SLC13A3: variants seen among roughly 807,000 people sequenced by gnomAD.
The protein encoded by SLC13A3 is solute carrier family 13 member 3, also known as Na(+)/dicarboxylate cotransporter 3.
SLC13A3 carries 40 observed loss-of-function variants against 59.0 expected under a neutral mutation model. The ratio of observed to expected loss-of-function variants is 0.68; its 90% CI spans 0.53 to 0.88. The LOEUF is 0.88. Ranked by LOEUF, SLC13A3 falls within the 40% of genes least tolerant of loss-of-function variation. The probability of loss-of-function intolerance (pLI) is 0.00; values close to 1 mark genes in which losing one functional copy is unlikely to be tolerated. For missense variants in SLC13A3, 699 were observed against 783.2 expected (o/e 0.89, Z 1.28); for synonymous variants, 317 against 330.3 (o/e 0.96, Z 0.44).
rs79083915 is a variant in SLC13A3, at chr20:46,638,224, T to C, written c.111+13087A>G. ...TGTAAAACGCCCAACTCAGGCACCA[T>C]GAGAAGTTTTGCTGACTGGTTCCAG... On this transcript the variant is annotated intron_variant, in intron 1 of 12. Transcript: ENST00000279027. Among the ~76,000 whole-genome samples the C allele has an allele frequency of 5.0e-3, 759 of 151,924 alleles. 11 individuals carry two copies. Among genetic ancestry groups the C allele is most frequent in the African/African-American group, 0.018 (727 of 41,484 alleles).
intron 1 of SLC13A3, among the ~76,000 whole-genome samples, chr20:46,661,509 T>C (rs2063030035): frequency 6.6e-6 from 1 of 152,240 alleles, no homozygotes; most frequent in Non-Finnish European, 1.5e-5. Flanking sequence ...CTGCCTTTGC[T>C]TCCCAGAAGA....
chr20:46,612,147 T>TTTTTTTTA (rs1555879622), intron 2 of SLC13A3, among the ~76,000 whole-genome samples: 1 of 145,558 alleles, frequency 6.9e-6, no homozygotes, highest in Non-Finnish European at 1.5e-5. Context: ...TTTTTTTTTT[T>TTTTTTTTA]GAGACAGGGT....
intron 1 of SLC13A3, among the ~76,000 whole-genome samples, chr20:46,664,417 T>G (rs899819843): frequency 2.0e-5 from 3 of 152,166 alleles, no homozygotes; most frequent in Non-Finnish European, 4.4e-5. Context: ...TTAATAATAT[T>G]TGAATACCTA....
intron 1 of SLC13A3, among the ~76,000 whole-genome samples, chr20:46,683,024 C>G (rs2063160741): frequency 1.3e-5 from 2 of 152,130 alleles, no homozygotes; most frequent in Admixed American, 6.5e-5. Flanking sequence ...ATGGACGATT[C>G]TCCTCCTGGG....
chr20:46,666,883 T>C (rs986772837), intron 1 of SLC13A3, among the ~76,000 whole-genome samples: 4 of 152,140 alleles, frequency 2.6e-5, no homozygotes. Context: ...AAGTTTACAA[T>C]GTAAAGCAAC....
intron 1 of SLC13A3, among the ~76,000 whole-genome samples, chr20:46,665,265 CAA>C (rs77642674): frequency 5.5e-5 from 7 of 126,380 alleles, no homozygotes; most frequent in African/African-American, 5.9e-5. Flanking sequence ...GACACTGTCT[CAA>C]AAAAAAAAAA....
At chr20:46,634,789 A>G (rs979184883) in intron 1 of SLC13A3, among the ~76,000 whole-genome samples, 1 of 152,138 alleles carries the variant, frequency 6.6e-6, no homozygotes, top group Admixed American at 6.5e-5. Context: ...AAGCTGATTC[A>G]TGGTGTGACC....
At chr20:46,667,600 G>A (rs2063068740) in intron 1 of SLC13A3, among the ~76,000 whole-genome samples, 1 of 152,128 alleles carries the variant, frequency 6.6e-6, no homozygotes, top group South Asian at 2.1e-4. Context: ...TAAAATCCAT[G>A]CATTACTTGT....
intron 11 of SLC13A3, among the ~76,000 whole-genome samples, chr20:46,564,276 G>A (rs1425628315): frequency 6.6e-6 from 1 of 152,180 alleles, no homozygotes; most frequent in Non-Finnish European, 1.5e-5. Context: ...ACCCCCCTAT[G>A]AGCTGGCCTC....
At chr20:46,661,823 CT>C (rs1433286517) in intron 1 of SLC13A3, among the ~76,000 whole-genome samples, 2 of 152,146 alleles carry the variant, frequency 1.3e-5, no homozygotes, top group Non-Finnish European at 2.9e-5. Flanking sequence ...GGTTTTCTGT[CT>C]GTTCTCCTGA....
At chr20:46,657,187 A>G (rs75291672) in intron 1 of SLC13A3, among the ~76,000 whole-genome samples, 3,832 of 152,188 alleles carry the variant, frequency 0.025, 151 homozygotes, top group African/African-American at 0.086. Context: ...ATCATCAGAG[A>G]GCACTGAGCT....
In SLC13A3 at chr20:46,559,963, C is replaced by A. The variant is rs2061916600; in HGVS notation, c.*59G>T. The A allele has an allele frequency of 2.0e-6, 3 of 1,492,900 alleles. No individual in the cohort carries two copies. In the East Asian group the frequency reaches 6.8e-5, roughly 34 times the overall value. The allele number at this position is 1,492,900 out of a possible 1,614,324, so 92.5% of individuals were successfully genotyped here. On this transcript the variant is annotated 3_prime_UTR_variant, in exon 13 of 13. Transcript: ENST00000279027. ...TGATTGTTTTGTAGTGTCCTAGCAG[C>A]AGGTGATGGTGACAGCCCTTTGAGA...
upstream of SLC13A3, chr20:46,651,464 C>T: frequency 7.3e-7 from 1 of 1,374,794 alleles, no homozygotes; most frequent in Non-Finnish European, 9.3e-7. Context: ...GGGACTGCCC[C>T]GCCTGGCCCC....
chr20:46,592,549 G>T lies in SLC13A3; in HGVS notation c.795-20C>A. The T allele has an allele frequency of 6.2e-7, 1 of 1,612,738 alleles. No individual in the cohort carries two copies. The highest frequency in any genetic ancestry group is 1.1e-5 in the South Asian group (1 of 90,976). Reference sequence around the variant, plus strand: ...AAGAAACTGGAGAACAGCGGGAGATGAGAACAGGCCAAGGGCAGCCATGCC... The same window carrying T: ...AAGAAACTGGAGAACAGCGGGAGATTAGAACAGGCCAAGGGCAGCCATGCC... On this transcript the variant is annotated intron_variant, in intron 5 of 12. Transcript: ENST00000279027.
At chr20:46,683,068 T>C (rs1194836803) in intron 1 of SLC13A3, among the ~76,000 whole-genome samples, 1 of 152,170 alleles carries the variant, frequency 6.6e-6, no homozygotes, top group Non-Finnish European at 1.5e-5. Context: ...CTCCAATATC[T>C]GCCACTCTCC....
chr20:46,572,614 C>T (rs2062039588), intron 10 of SLC13A3, among the ~76,000 whole-genome samples: 1 of 152,206 alleles, frequency 6.6e-6, no homozygotes, highest in Non-Finnish European at 1.5e-5. Flanking sequence ...GCTCAAGCCA[C>T]GAACCTCCAC....
intron 2 of SLC13A3, among the ~76,000 whole-genome samples, chr20:46,612,525 G>C: frequency 6.6e-6 from 1 of 151,830 alleles, no homozygotes. Context: ...TTATGGGTGT[G>C]ATTAGGCCTA....
Position 46,563,317 on chromosome 20 carries a change from T to C in SLC13A3, c.1632+97A>G, listed in dbSNP as rs1001164061. The C allele has an allele frequency of 2.2e-5, 30 of 1,376,944 alleles. No homozygotes were observed. In the Admixed American group the frequency reaches 6.9e-4, roughly 32 times the overall value. 85.3% of individuals were successfully genotyped at this position (1,376,944 alleles called of 1,614,324 possible). On this transcript the variant is annotated intron_variant, in intron 12 of 12. Transcript: ENST00000279027. The stretch of plus-strand genomic sequence containing the variant: ...AAAGATCTATTCAGAGACTGGGGAG[T>C]GGGGTCAGCGTGCAGGAGTCCTGCA...
chr20:46,646,043 G>A (rs1384477263), intron 1 of SLC13A3, among the ~76,000 whole-genome samples: 1 of 152,132 alleles, frequency 6.6e-6, no homozygotes, highest in African/African-American at 2.4e-5. Flanking sequence ...GGGGTGCATG[G>A]GGGAAAACTC....
Sources: gnomAD v4.1 joint callset for allele counts (sites outside exome capture counted in the v4.1 genomes callset) on GRCh38, gnomAD v4.1.1 for gene constraint, MANE v1.5 for transcripts, NCBI Gene and HGNC (gene_info 2026-07-23, HGNC 2026-07-21) for gene names.